USO1: variants seen among roughly 807,000 people sequenced by gnomAD.
USO1 encodes the protein general vesicular transport factor p115.
A neutral mutation model predicts 124.5 loss-of-function variants in USO1; 57 were observed. The ratio of observed to expected loss-of-function variants is 0.46; its 90% confidence interval spans 0.37 to 0.57. The LOEUF (loss-of-function observed/expected upper bound fraction) is 0.57, where lower values mean the gene tolerates loss of function less well. Among genes scored for constraint, USO1 ranks in the 20% least tolerant of loss-of-function variants. USO1 has a pLI of 0.00. For synonymous variants in USO1, 369 were observed against 362.8 expected, an observed-to-expected ratio of 1.02 and a Z score of -0.19; for missense variants, 900 against 1,040.6, an observed-to-expected ratio of 0.86 and a Z score of 1.86.
At chr4:75,731,789 A>G (rs910623208) in intron 1 of USO1, among the ~76,000 whole-genome samples, 9 of 152,170 alleles carry the variant, frequency 5.9e-5, no homozygotes, top group African/African-American at 2.2e-4. Context: ...GATTGATTAG[A>G]GTTAGCATTT....
At chr4:75,812,485 A>G (rs1723177988) in intron 23 of USO1, 110 bp downstream of exon 23, 1 of 1,313,600 alleles carries the variant, frequency 7.6e-7, no homozygotes, top group Non-Finnish European at 1.0e-6. Flanking sequence ...AGGAATGGAT[A>G]TGTGGGTTCA....
intron 10 of USO1, among the ~76,000 whole-genome samples, chr4:75,788,543 TTTTC>T (rs1055384017): frequency 3.4e-5 from 5 of 147,742 alleles, no homozygotes; most frequent in African/African-American, 1.2e-4. Context: ...TTTTCTTTTC[TTTTC>T]TTTTTTTTTT....
intron 19 of USO1, 72 bp downstream of exon 19, chr4:75,805,375 T>TTC: frequency 2.3e-5 from 32 of 1,374,334 alleles, no homozygotes; most frequent in Middle Eastern, 2.6e-4. Flanking sequence ...TTTTTTTTTT[T>TTC]CCTTGGATCT....
chr4:75,796,261 G>A (rs1365541157), intron 13 of USO1, among the ~76,000 whole-genome samples: 2 of 151,326 alleles, frequency 1.3e-5, no homozygotes, highest in African/African-American at 4.9e-5. Context: ...ATGATTTTTG[G>A]TGTTTGAGTG....
chr4:75,801,846 T>G (rs1426768186), intron 17 of USO1, among the ~76,000 whole-genome samples: 1 of 152,236 alleles, frequency 6.6e-6, no homozygotes, highest in Non-Finnish European at 1.5e-5. Flanking sequence ...TTAGACAGAG[T>G]CTTGCTCTTG....
chr4:75,802,736 C>CTTTTTTTT (rs997798305), intron 17 of USO1, among the ~76,000 whole-genome samples: 10 of 63,738 alleles, frequency 1.6e-4, no homozygotes, highest in African/African-American at 3.3e-4. Flanking sequence ...TTTTTCTTTT[C>CTTTTTTTT]TTTTTTTTTT....
At chr4:75,805,554 A>G (rs1348970853) in intron 19 of USO1, among the ~76,000 whole-genome samples, 1 of 152,120 alleles carries the variant, frequency 6.6e-6, no homozygotes, top group Non-Finnish European at 1.5e-5. Flanking sequence ...TAAAAATACA[A>G]AAATTAGCCG....
chr4:75,735,871 T>C (rs975776026), intron 1 of USO1, among the ~76,000 whole-genome samples: 1 of 152,174 alleles, frequency 6.6e-6, no homozygotes, highest in Admixed American at 6.5e-5. Flanking sequence ...CCTGTTCCCA[T>C]TGTGTCTTTT....
At chr4:75,802,747 T>TC (rs1722886248) in intron 17 of USO1, among the ~76,000 whole-genome samples, 1 of 138,688 alleles carries the variant, frequency 7.2e-6, no homozygotes, top group African/African-American at 2.7e-5. Context: ...TTTTTTTTTT[T>TC]TTTTTTTTTT....
chr4:75,771,314 G>T (rs1721922360), intron 7 of USO1, among the ~76,000 whole-genome samples, 177 bp downstream of exon 7: 2 of 152,056 alleles, frequency 1.3e-5, no homozygotes, highest in African/African-American at 4.8e-5. Flanking sequence ...TGCCCAGGTT[G>T]GTCTTGAATT....
chr4:75,769,964 T>C (rs1285940148), intron 4 of USO1, among the ~76,000 whole-genome samples: 1 of 152,132 alleles, frequency 6.6e-6, no homozygotes, highest in African/African-American at 2.4e-5. Flanking sequence ...TTTAACCCAG[T>C]AACACTAACA....
chr4:75,771,631 AC>A (rs1193809016), intron 7 of USO1, among the ~76,000 whole-genome samples: 11 of 152,328 alleles, frequency 7.2e-5, no homozygotes, highest in African/African-American at 2.4e-4. Context: ...AACTGTGTAA[AC>A]CCAACAAAGC....
At chr4:75,767,088 A>G (rs918962836) in intron 4 of USO1, among the ~76,000 whole-genome samples, 1 of 151,812 alleles carries the variant, frequency 6.6e-6, no homozygotes, top group African/African-American at 2.4e-5. Flanking sequence ...TTCCTTTTTC[A>G]TTGGTTACTC....
chr4:75,742,327 C>T (rs1007166129), intron 1 of USO1, among the ~76,000 whole-genome samples: 1 of 152,152 alleles, frequency 6.6e-6, no homozygotes, highest in Admixed American at 6.5e-5. Context: ...AAGGCTAGGA[C>T]ATCGGTAGGT....
chr4:75,774,969 G>A (rs1414253372), intron 8 of USO1, among the ~76,000 whole-genome samples, 173 bp downstream of exon 8: 1 of 152,054 alleles, frequency 6.6e-6, no homozygotes, highest in African/African-American at 2.4e-5. Flanking sequence ...TATTTGTTAG[G>A]CTTTTACAAT....
intron 1 of USO1, among the ~76,000 whole-genome samples, chr4:75,738,021 G>T (rs961104464): frequency 6.6e-6 from 1 of 151,572 alleles, no homozygotes; most frequent in Non-Finnish European, 1.5e-5. Context: ...TTTTAGTAGA[G>T]ACAGAGTTTC....
chr4:75,760,762 ATAAACT>A (rs1301220802), intron 4 of USO1, among the ~76,000 whole-genome samples: 1 of 152,220 alleles, frequency 6.6e-6, no homozygotes, highest in South Asian at 2.1e-4. Context: ...GAATATTTTA[ATAAACT>A]TACATTACTA....
intron 1 of USO1, among the ~76,000 whole-genome samples, chr4:75,744,530 G>A (rs550431659): frequency 3.3e-5 from 5 of 152,116 alleles, no homozygotes; most frequent in South Asian, 4.2e-4. Flanking sequence ...AGCAGTTCTC[G>A]TGCCTCAGAC....
chr4:75,800,763 G>T lies in USO1; in HGVS notation c.1828G>T (p.Asp610Tyr). 6.2e-7 allele frequency: 1 copy of T among 1,613,478 alleles called. No homozygotes were observed. The highest frequency in any genetic ancestry group is 1.1e-5 in the South Asian group (1 of 90,980). The change falls in exon 16 of 24, where the codon GAT (aspartate) becomes TAT (tyrosine). Residue 610 changes from aspartate (D) to tyrosine (Y), a missense_variant. Asp to Tyr is a radical substitution (Grantham distance 160, BLOSUM62 -3). Coordinates refer to ENST00000514213, the MANE Select transcript of USO1 (RefSeq NM_003715.4). The stretch of plus-strand genomic sequence containing the variant: ...TCCCAGTCCAGAATACATGATATTT[G>T]ATCATGAGTTTACGAAGCTGGTAAA... The part of the protein sequence containing the change: ...NFPSPEYMIF[D>Y]HEFTKLVKEL...
Sources: allele counts gnomAD v4.1 joint callset (sites outside exome capture counted in the v4.1 genomes callset), GRCh38; gene constraint gnomAD v4.1.1; transcripts MANE v1.5; gene names NCBI Gene and HGNC (gene_info 2026-07-23, HGNC 2026-07-21).